The following RDH8 variants were observed in gnomAD, a reference collection of about 807,000 sequenced individuals.
RDH8 encodes photoreceptor outer segment all-trans retinol dehydrogenase.
RDH8 carries 14 observed loss-of-function variants against 22.3 expected under a neutral mutation model. That is an observed-to-expected ratio of 0.63 (90% CI 0.42 to 0.98). The LOEUF is 0.98. RDH8 is among the 50% of genes least tolerant of loss of function. RDH8 has a pLI of 0.00. For synonymous variants in RDH8, 175 were observed against 171.7 expected (o/e 1.02, Z -0.15); for missense variants, 389 against 409.8 (o/e 0.95, Z 0.44).
chr19:10,021,389 C>A lies in RDH8; in HGVS notation c.671C>A (p.Ser224Tyr). 1 of 1,614,082 alleles carries A rather than the reference C, an allele frequency of 6.2e-7. No individual in the cohort carries two copies. Among genetic ancestry groups the A allele is most frequent in the South Asian group, 1.1e-5 (1 of 91,078 alleles). Residue 224 changes from serine to tyrosine, a missense_variant, in exon 5 of 6, where the codon TCC becomes TAC. Transcript: ENST00000591589. ...HYFRDLYLPASRKLFCSVGQN... is the reference protein window; with the variant it reads ...HYFRDLYLPAYRKLFCSVGQN... ...TTCCGGGACCTCTATCTCCCAGCCTCCAGGAAGCTGTTTTGCTCCGTGGGA... is the reference window on the plus strand; with the variant it reads ...TTCCGGGACCTCTATCTCCCAGCCTACAGGAAGCTGTTTTGCTCCGTGGGA...
In RDH8 at chr19:10,017,079, G is replaced by C. The variant is rs769082389; in HGVS notation, c.126G>C (p.Leu42=). 1 of 1,591,264 alleles carries C rather than the reference G, an allele frequency of 6.3e-7. No homozygotes were observed. Among genetic ancestry groups the C allele is most frequent in the South Asian group, 1.1e-5 (1 of 88,008 alleles). The change falls in exon 2 of 6, where the codon CTG becomes CTC. Residue 42 remains leucine, a synonymous_variant. Transcript: ENST00000591589. The part of the protein sequence containing the change: ...RYQVVATMRD[L]GKKETLEAAA... ...CAGTCGTGGCCACCATGAGGGACCT[G>C]GGGAAGAAGGAGACACTGGAGGCAG...
Position 10,021,529 on chromosome 19 carries a change from T to C in RDH8, c.721-5T>C. On this transcript the variant is annotated splice_region_variant and splice_polypyrimidine_tract_variant and intron_variant, in intron 5 of 5. Transcript: ENST00000591589. Reference sequence around the variant, plus strand: ...GTCCCAGCGCTCAGGGCCTCCATTCTGCAGGCCATTGTCAACGTCATCAGC... The same window carrying C: ...GTCCCAGCGCTCAGGGCCTCCATTCCGCAGGCCATTGTCAACGTCATCAGC... 3 of 1,614,108 alleles carry C rather than the reference T, an allele frequency of 1.9e-6. No individual in the cohort carries two copies. Among genetic ancestry groups the C allele is most frequent in the Non-Finnish European group, 2.5e-6 (3 of 1,180,016 alleles).
At chr19:10,017,245 G>A in intron 2 of RDH8, 30 bp downstream of exon 2, 1 of 1,546,684 alleles carries the variant, frequency 6.5e-7, no homozygotes, top group Non-Finnish European at 8.8e-7. Flanking sequence ...GATTCACTAA[G>A]CCCCATCCTG....
chr19:10,018,710 C>A (rs2087637346), intron 2 of RDH8, 21 bp from the exon 3 acceptor site: 1 of 1,577,424 alleles, frequency 6.3e-7, no homozygotes, highest in South Asian at 1.2e-5. Flanking sequence ...TTAAGGTAAC[C>A]CTTAGTACCT....
At chr19:10,016,568 C>T (rs964337795) in intron 1 of RDH8, among the ~76,000 whole-genome samples, 8 of 152,102 alleles carry the variant, frequency 5.3e-5, no homozygotes, top group Non-Finnish European at 8.8e-5. Context: ...TCAAGCAATC[C>T]TCCCACCACA....
intron 1 of RDH8, among the ~76,000 whole-genome samples, chr19:10,015,199 C>G (rs1463613617): frequency 6.6e-6 from 1 of 152,180 alleles, no homozygotes; most frequent in Non-Finnish European, 1.5e-5. Context: ...TGCCTGTAAT[C>G]TCAGCACTTT....
At chr19:10,013,642 A>G (rs1366059890) in intron 1 of RDH8, 42 bp downstream of exon 1, 2 of 1,608,608 alleles carry the variant, frequency 1.2e-6, no homozygotes, top group Non-Finnish European at 1.7e-6. Context: ...CCGGGTGGAA[A>G]CGGCTTCCCC....
At position 10,021,935 on chromosome 19, in the gene RDH8, C is replaced by A; in HGVS notation, c.*186C>A. 2 of 665,914 alleles carry A rather than the reference C, an allele frequency of 3.0e-6. No homozygotes were observed. The highest frequency in any genetic ancestry group is 5.0e-6 in the Non-Finnish European group (2 of 400,340). 41.3% of individuals were successfully genotyped at this position (665,914 alleles called of 1,614,324 possible). ...TCAGGCATAGACTCCTCTGTGGTCA[C>A]AGCTGGAGCACAGAGAGGGACCCTG... On this transcript the variant is annotated 3_prime_UTR_variant, in exon 6 of 6. Coordinates refer to ENST00000591589, the MANE Select transcript of RDH8 (RefSeq NM_015725.4).
intron 1 of RDH8, among the ~76,000 whole-genome samples, chr19:10,014,336 G>T (rs1176477554): frequency 6.6e-6 from 1 of 152,188 alleles, no homozygotes; most frequent in Non-Finnish European, 1.5e-5. Flanking sequence ...CTTTGAGCAT[G>T]ACAGCCTGAA....
intron 1 of RDH8, among the ~76,000 whole-genome samples, chr19:10,015,805 G>A (rs2087608982): frequency 6.6e-6 from 1 of 151,616 alleles, no homozygotes; most frequent in African/African-American, 2.4e-5. Flanking sequence ...TTAGCCAGGT[G>A]TGGTGGCAGG....
chr19:10,018,055 C>T (rs1023389556), intron 2 of RDH8, among the ~76,000 whole-genome samples: 3 of 152,144 alleles, frequency 2.0e-5, no homozygotes, highest in Non-Finnish European at 4.4e-5. Context: ...AAGTGATTCT[C>T]CTGCCTCAGC....
intron 2 of RDH8, among the ~76,000 whole-genome samples, chr19:10,018,170 C>T (rs191296709): frequency 6.6e-6 from 1 of 152,228 alleles, no homozygotes; most frequent in East Asian, 1.9e-4. Context: ...GTCTCGAAGC[C>T]TGACCTCAGG....
At chr19:10,015,001 C>T (rs142931638) in intron 1 of RDH8, among the ~76,000 whole-genome samples, 14 of 152,316 alleles carry the variant, frequency 9.2e-5, no homozygotes, top group African/African-American at 3.4e-4. Flanking sequence ...ACCCCATTCA[C>T]GTGCCTGCTA....
intron 2 of RDH8, 97 bp downstream of exon 2, chr19:10,017,312 C>T: frequency 7.7e-7 from 1 of 1,295,910 alleles, no homozygotes; most frequent in Admixed American, 2.8e-5. Flanking sequence ...CTGGCTTCTT[C>T]AGCAATCTCT....
intron 1 of RDH8, 65 bp downstream of exon 1, chr19:10,013,665 C>A: frequency 1.3e-6 from 2 of 1,535,254 alleles, no homozygotes; most frequent in East Asian, 2.3e-5. Context: ...CACTGTCTCC[C>A]CTACCCATCC....
At chr19:10,014,954 C>T (rs1416684731) in intron 1 of RDH8, among the ~76,000 whole-genome samples, 1 of 152,164 alleles carries the variant, frequency 6.6e-6, no homozygotes, top group African/African-American at 2.4e-5. Context: ...ATCCCTTGCA[C>T]CCATGTTTCC....
At chr19:10,019,821 T>TAAACAAACAAAC (rs35825272) in intron 3 of RDH8, among the ~76,000 whole-genome samples, 62 of 150,270 alleles carry the variant, frequency 4.1e-4, no homozygotes, top group African/African-American at 9.5e-4. Flanking sequence ...AATAAATAAG[T>TAAACAAACAAAC]AAACAAACAA....
At chr19:10,018,662 G>A in intron 2 of RDH8, 69 bp from the exon 3 acceptor site, 1 of 1,304,696 alleles carries the variant, frequency 7.7e-7, no homozygotes, top group Non-Finnish European at 1.1e-6. Context: ...AGGTGCTTCA[G>A]GGAGTGTCTA....
chr19:10,014,744 C>A (rs1359967765), intron 1 of RDH8, among the ~76,000 whole-genome samples: 2 of 152,102 alleles, frequency 1.3e-5, no homozygotes, highest in Non-Finnish European at 1.5e-5. Flanking sequence ...ACCATGTTGG[C>A]CAGACCGGTC....
Sources: gnomAD v4.1 joint callset for allele counts (sites outside exome capture counted in the v4.1 genomes callset) on GRCh38, gnomAD v4.1.1 for gene constraint, MANE v1.5 for transcripts, NCBI Gene and HGNC (gene_info 2026-07-23, HGNC 2026-07-21) for gene names.